GPD2: variants seen among roughly 807,000 people sequenced by gnomAD.
GPD2 encodes the protein glycerol-3-phosphate dehydrogenase, mitochondrial.
A neutral mutation model predicts 82.4 loss-of-function variants in GPD2; 54 were observed. The ratio of observed to expected loss-of-function variants is 0.66; its 90% CI spans 0.53 to 0.82. The LOEUF (loss-of-function observed/expected upper bound fraction) is 0.82. Ranked by LOEUF, GPD2 falls within the 40% of genes least tolerant of loss-of-function variation. The probability of loss-of-function intolerance (pLI) is 0.00; values close to 1 mark genes in which losing one functional copy is unlikely to be tolerated. For synonymous variants in GPD2, 288 were observed against 306.1 expected (o/e 0.94, Z 0.62); for missense variants, 748 against 896.2 (o/e 0.83, Z 2.11).
At chr2:156,544,427 G>A (rs748207622) in intron 6 of GPD2, among the ~76,000 whole-genome samples, 10 of 152,166 alleles carry the variant, frequency 6.6e-5, no homozygotes, top group Non-Finnish European at 1.5e-4. Flanking sequence ...GTGGGGCACT[G>A]TGAGGACTCA....
intron 9 of GPD2, among the ~76,000 whole-genome samples, chr2:156,566,406 AC>A (rs1430990731): frequency 6.6e-6 from 1 of 151,954 alleles, no homozygotes; most frequent in East Asian, 1.9e-4. Context: ...CTTGGCAACT[AC>A]CATTCTACTT....
At chr2:156,476,793 G>A (rs1381754275) in intron 2 of GPD2, among the ~76,000 whole-genome samples, 1 of 152,024 alleles carries the variant, frequency 6.6e-6, no homozygotes, top group African/African-American at 2.4e-5. Flanking sequence ...ACTTCCCATA[G>A]TTCAAACTGA....
chr2:156,488,864 C>A (rs1484816902), intron 2 of GPD2, among the ~76,000 whole-genome samples: 5 of 152,080 alleles, frequency 3.3e-5, no homozygotes, highest in African/African-American at 1.2e-4. Context: ...TGAAAAAAAT[C>A]TACTTCTCCC....
intron 13 of GPD2, among the ~76,000 whole-genome samples, chr2:156,571,543 T>C (rs1302208116): frequency 2.6e-5 from 4 of 152,140 alleles, no homozygotes; most frequent in Non-Finnish European, 5.9e-5. Context: ...AGAAAGATAA[T>C]AATGATTGTA....
At chr2:156,527,693 T>A (rs1008866394) in intron 6 of GPD2, among the ~76,000 whole-genome samples, 4 of 152,120 alleles carry the variant, frequency 2.6e-5, no homozygotes, top group African/African-American at 9.6e-5. Flanking sequence ...TGAAAGCAAC[T>A]ACCAAATTAA....
At chr2:156,501,523 T>C (rs1361789245) in intron 3 of GPD2, among the ~76,000 whole-genome samples, 2 of 152,062 alleles carry the variant, frequency 1.3e-5, no homozygotes, top group African/African-American at 4.8e-5. Context: ...TAAATAAACA[T>C]TTGGGAAAGG....
chr2:156,503,041 ACTC>A (rs1036958688), intron 3 of GPD2, among the ~76,000 whole-genome samples: 1 of 152,072 alleles, frequency 6.6e-6, no homozygotes, highest in Non-Finnish European at 1.5e-5. Flanking sequence ...GAACCAAAAG[ACTC>A]CTGCCCTTGT....
chr2:156,473,185 A>G (rs1043196228), intron 1 of GPD2, among the ~76,000 whole-genome samples: 1 of 152,186 alleles, frequency 6.6e-6, no homozygotes, highest in African/African-American at 2.4e-5. Flanking sequence ...AGCATACATT[A>G]TTTTTTTAAA....
At chr2:156,412,371 G>A in the GPD2 span, among the ~76,000 whole-genome samples, 261 of 151,642 alleles carry the variant, frequency 1.7e-3, no homozygotes, top group African/African-American at 6.0e-3. Flanking sequence ...CCCGGGAGGC[G>A]GAGGTTGCAG....
intron 9 of GPD2, 46 bp downstream of exon 9, chr2:156,557,628 C>G (rs767697361): frequency 2.0e-6 from 2 of 1,013,884 alleles, no homozygotes; most frequent in Admixed American, 3.4e-5. Context: ...TCCATATCTC[C>G]CAAGCCATTC....
chr2:156,427,261 G>A, the GPD2 span, among the ~76,000 whole-genome samples: 314 of 152,306 alleles, frequency 2.1e-3, no homozygotes, highest in African/African-American at 7.0e-3. Context: ...AATAAGTTCT[G>A]CTTGAAAGAG....
At chr2:156,426,165 C>T in the GPD2 span, among the ~76,000 whole-genome samples, 3 of 152,194 alleles carry the variant, frequency 2.0e-5, no homozygotes, top group South Asian at 2.1e-4. Context: ...CCTCGTGATC[C>T]GCCCGCCTTG....
At chr2:156,418,991 G>C in the GPD2 span, among the ~76,000 whole-genome samples, 4 of 151,690 alleles carry the variant, frequency 2.6e-5, no homozygotes, top group South Asian at 2.1e-4. Context: ...GAGGCCCGGC[G>C]GCTTCTTCAG....
chr2:156,579,643 A>G, intron 15 of GPD2, 47 bp from the exon 16 acceptor site: 1 of 971,454 alleles, frequency 1.0e-6, no homozygotes, highest in South Asian at 1.3e-5. Flanking sequence ...AAGCATATGC[A>G]TAATTTTTAA....
chr2:156,447,908 G>A (rs1202841220), intron 1 of GPD2, among the ~76,000 whole-genome samples: 2 of 152,122 alleles, frequency 1.3e-5, no homozygotes, highest in African/African-American at 2.4e-5. Context: ...TCAATCCCAA[G>A]TCAACATTCT....
the GPD2 span, among the ~76,000 whole-genome samples, chr2:156,409,567 G>T: frequency 6.6e-6 from 1 of 152,024 alleles, no homozygotes; most frequent in East Asian, 1.9e-4. Flanking sequence ...AGGCATGGTG[G>T]TGCATGCCTG....
At chr2:156,547,667 C>T (rs181808446) in intron 6 of GPD2, among the ~76,000 whole-genome samples, 1 of 152,296 alleles carries the variant, frequency 6.6e-6, no homozygotes, top group East Asian at 1.9e-4. Context: ...CAGTCATATT[C>T]AGATTTAGAT....
At chr2:156,498,590 A>G (rs1195997286) in intron 3 of GPD2, among the ~76,000 whole-genome samples, 1 of 152,136 alleles carries the variant, frequency 6.6e-6, no homozygotes, top group Non-Finnish European at 1.5e-5. Flanking sequence ...GAAGAGTGGA[A>G]AGGCAGGGCT....
chr2:156,546,355 A>G (rs1222861851), intron 6 of GPD2, among the ~76,000 whole-genome samples: 1 of 152,160 alleles, frequency 6.6e-6, no homozygotes, highest in Non-Finnish European at 1.5e-5. Context: ...GTTGTCAAAA[A>G]CTTTTTTCTC....
Sources: gnomAD v4.1 joint callset for allele counts (sites outside exome capture counted in the v4.1 genomes callset) on GRCh38, gnomAD v4.1.1 for gene constraint, MANE v1.5 for transcripts, NCBI Gene and HGNC (gene_info 2026-07-23, HGNC 2026-07-21) for gene names.